MAGI2: variants seen among roughly 807,000 people sequenced by gnomAD.
The protein encoded by MAGI2 is membrane-associated guanylate kinase, WW and PDZ domain-containing protein 2.
A neutral mutation model predicts 133.3 loss-of-function variants in MAGI2; 35 were observed. That is an observed-to-expected ratio of 0.26 (90% CI 0.20 to 0.35). MAGI2 has a LOEUF of 0.35. MAGI2 is among the 10% of genes least tolerant of loss of function. The pLI, the probability that MAGI2 is intolerant of heterozygous loss-of-function variation, is 1.00. For missense variants in MAGI2, 1,636 were observed against 1,863.4 expected (o/e 0.88, Z 2.25); for synonymous variants, 729 against 710.6 (o/e 1.03, Z -0.41).
intron 20 of MAGI2, among the ~76,000 whole-genome samples, chr7:78,105,660 C>A (rs1157424349): frequency 6.6e-6 from 1 of 152,032 alleles, no homozygotes; most frequent in Non-Finnish European, 1.5e-5. Flanking sequence ...CTGTGATATG[C>A]GTGTTGCCTC....
At position 79,230,711 on chromosome 7, in the gene MAGI2, G is replaced by A. The variant is rs552821176; in HGVS notation, c.301+222309C>T. Reference sequence around the variant, plus strand: ...ATATTAGCCCTTTGTCAGATGAGTAGGTTGTGAAAATTTTCTCCTTTTTTG... The same window carrying A: ...ATATTAGCCCTTTGTCAGATGAGTAAGTTGTGAAAATTTTCTCCTTTTTTG... On this transcript the variant is annotated intron_variant, in intron 1 of 21. Transcript: ENST00000354212. Among the ~76,000 whole-genome samples the A allele has an allele frequency of 1.6e-3, 246 of 152,022 alleles. 2 individuals are homozygous for A. The highest frequency in any genetic ancestry group is 2.3e-3 in the South Asian group (11 of 4,798).
At chr7:78,138,342 G>A (rs1822378199) in intron 16 of MAGI2, among the ~76,000 whole-genome samples, 2 of 152,174 alleles carry the variant, frequency 1.3e-5, no homozygotes, top group Admixed American at 1.3e-4. Flanking sequence ...GGCAAAGTGG[G>A]AGGAGGAGAG....
At chr7:78,948,031 G>A (rs1801566917) in intron 2 of MAGI2, among the ~76,000 whole-genome samples, 1 of 151,992 alleles carries the variant, frequency 6.6e-6, no homozygotes, top group Non-Finnish European at 1.5e-5. Context: ...GTTAAAATGG[G>A]ACGTTGAAGA....
chr7:78,814,310 C>T (rs1353034788), intron 2 of MAGI2, among the ~76,000 whole-genome samples: 1 of 152,068 alleles, frequency 6.6e-6, no homozygotes, highest in African/African-American at 2.4e-5. Flanking sequence ...ACTATATGTT[C>T]ACATTGTAGG....
intron 3 of MAGI2, chr7:78,617,326 C>T (rs1001233094): frequency 6.6e-6 from 1 of 152,044 alleles, no homozygotes; most frequent in African/African-American, 2.4e-5. Context: ...TAAATTTGTG[C>T]TTTCTGCTGG....
chr7:78,548,161 A>T (rs1799026386), intron 3 of MAGI2, among the ~76,000 whole-genome samples: 1 of 152,236 alleles, frequency 6.6e-6, no homozygotes, highest in African/African-American at 2.4e-5. Context: ...TTATGCCTGC[A>T]TTCCCAGTGT....
At chr7:79,054,022 C>T (rs924443736) in intron 1 of MAGI2, among the ~76,000 whole-genome samples, 2 of 151,878 alleles carry the variant, frequency 1.3e-5, no homozygotes, top group Non-Finnish European at 2.9e-5. Flanking sequence ...CATGGTGAAA[C>T]CCGCCTCTAG....
At chr7:79,082,157 C>T (rs1359607981) in intron 1 of MAGI2, among the ~76,000 whole-genome samples, 3 of 152,008 alleles carry the variant, frequency 2.0e-5, no homozygotes, top group Admixed American at 6.6e-5. Context: ...TATTTTCTTC[C>T]ATCACATGAG....
intron 2 of MAGI2, among the ~76,000 whole-genome samples, chr7:78,876,765 A>G (rs1795456640): frequency 1.3e-5 from 2 of 152,244 alleles, no homozygotes; most frequent in Admixed American, 1.3e-4. Context: ...GCTTTTTAGA[A>G]GAAAGGTGCA....
intron 16 of MAGI2, among the ~76,000 whole-genome samples, chr7:78,138,048 T>G (rs1031969791): frequency 2.0e-5 from 3 of 152,244 alleles, no homozygotes; most frequent in African/African-American, 7.2e-5. Context: ...TAGCAGTTAT[T>G]AATTTGTCCA....
chr7:78,226,320 TAAAAA>T (rs5885045), intron 10 of MAGI2, among the ~76,000 whole-genome samples: 14 of 141,848 alleles, frequency 9.9e-5, no homozygotes, highest in Non-Finnish European at 2.0e-4. Flanking sequence ...TACAAATGTT[TAAAAA>T]AAAAAAAAAA....
chr7:78,458,297 A>AAG (rs1563026928), intron 6 of MAGI2, among the ~76,000 whole-genome samples: 1 of 147,316 alleles, frequency 6.8e-6, no homozygotes, highest in African/African-American at 2.5e-5. Flanking sequence ...TCGGTCTCAA[A>AAG]AAAAAAAAAA....
At chr7:78,038,511 C>T (rs957249771) in intron 21 of MAGI2, among the ~76,000 whole-genome samples, 2 of 152,150 alleles carry the variant, frequency 1.3e-5, no homozygotes, top group Admixed American at 6.5e-5. Context: ...GTATGAATTT[C>T]TATATCCTTG....
intron 2 of MAGI2, among the ~76,000 whole-genome samples, chr7:78,895,408 AAC>A (rs1797125222): frequency 6.6e-6 from 1 of 152,132 alleles, no homozygotes; most frequent in South Asian, 2.1e-4. Context: ...AACAGCATCT[AAC>A]ATATATATTT....
At chr7:79,138,492 G>C (rs115721010) in intron 1 of MAGI2, among the ~76,000 whole-genome samples, 1 of 152,156 alleles carries the variant, frequency 6.6e-6, no homozygotes, top group African/African-American at 2.4e-5. Context: ...AAGTAGTATA[G>C]GCTTCTCTCA....
chr7:79,223,293 C>A (rs2129553590), intron 1 of MAGI2, among the ~76,000 whole-genome samples: 1 of 152,040 alleles, frequency 6.6e-6, no homozygotes. Flanking sequence ...AGTCCATTAC[C>A]AATCTTTAGA....
At chr7:78,909,263 T>C (rs1798209829) in intron 2 of MAGI2, among the ~76,000 whole-genome samples, 1 of 151,504 alleles carries the variant, frequency 6.6e-6, no homozygotes, top group Admixed American at 6.6e-5. Flanking sequence ...ACCACCACAA[T>C]GAGGTACCAT....
At chr7:78,201,347 G>A (rs901862309) in intron 10 of MAGI2, among the ~76,000 whole-genome samples, 154 bp from the exon 11 acceptor site, 1 of 152,150 alleles carries the variant, frequency 6.6e-6, no homozygotes, top group Admixed American at 6.5e-5. Context: ...TCTTCAAGGA[G>A]CTCAAAATCA....
intron 12 of MAGI2, among the ~76,000 whole-genome samples, chr7:78,192,951 G>A (rs965922205): frequency 2.0e-5 from 3 of 152,146 alleles, no homozygotes; most frequent in South Asian, 2.1e-4. Flanking sequence ...GGGAAAGGGC[G>A]ATGAAGAGCT....
Sources: gnomAD v4.1 joint callset for allele counts (sites outside exome capture counted in the v4.1 genomes callset) on GRCh38, gnomAD v4.1.1 for gene constraint, MANE v1.5 for transcripts, NCBI Gene and HGNC (gene_info 2026-07-23, HGNC 2026-07-21) for gene names.